Variants in PLCB4 observed in about 807,000 individuals in gnomAD.
The protein encoded by PLCB4 is 1-phosphatidylinositol 4,5-bisphosphate phosphodiesterase beta-4.
A neutral mutation model predicts 178.8 loss-of-function variants in PLCB4; 77 were observed. The ratio of observed to expected loss-of-function variants is 0.43; its 90% CI spans 0.36 to 0.52. The LOEUF (loss-of-function observed/expected upper bound fraction) is 0.52. Among genes scored for constraint, PLCB4 ranks in the 20% least tolerant of loss-of-function variants. The pLI, the probability that PLCB4 is intolerant of heterozygous loss-of-function variation, is 0.00. For missense variants in PLCB4, 1,024 were observed against 1,453.4 expected (o/e 0.70, Z 4.80); for synonymous variants, 496 against 490.8 (o/e 1.01, Z -0.14).
At chr20:9,328,001 C>T (rs2030994045) in intron 4 of PLCB4, among the ~76,000 whole-genome samples, 1 of 152,108 alleles carries the variant, frequency 6.6e-6, no homozygotes, top group Middle Eastern at 3.2e-3. Context: ...GTTTCTGCTG[C>T]TGGTGAGTTG....
chr20:9,236,270 G>C (rs2093991646), intron 3 of PLCB4, among the ~76,000 whole-genome samples: 1 of 152,156 alleles, frequency 6.6e-6, no homozygotes, highest in South Asian at 2.1e-4. Flanking sequence ...TCCAAGGCCT[G>C]AAATCCTTGC....
intron 2 of PLCB4, among the ~76,000 whole-genome samples, chr20:9,211,647 G>A (rs1011075008): frequency 5.3e-5 from 8 of 150,220 alleles, no homozygotes; most frequent in Non-Finnish European, 1.2e-4. Flanking sequence ...TGCTTAAAAA[G>A]AAAATACAAC....
intron 17 of PLCB4, among the ~76,000 whole-genome samples, chr20:9,392,372 T>C (rs1346809863): frequency 6.6e-6 from 1 of 152,174 alleles, no homozygotes; most frequent in Non-Finnish European, 1.5e-5. Context: ...GAGGTTTCCA[T>C]TGGTTACTTG....
At chr20:9,223,402 C>A (rs1392467935) in intron 3 of PLCB4, among the ~76,000 whole-genome samples, 1 of 152,196 alleles carries the variant, frequency 6.6e-6, no homozygotes, top group African/African-American at 2.4e-5. Flanking sequence ...CTGCAAACAA[C>A]AGCAGTCACC....
intron 3 of PLCB4, among the ~76,000 whole-genome samples, chr20:9,270,415 A>G (rs570419723): frequency 7.9e-5 from 12 of 152,248 alleles, no homozygotes; most frequent in African/African-American, 2.9e-4. Flanking sequence ...CCAGAATGTC[A>G]TGGAAAGGTA....
At chr20:9,368,044 T>C (rs2035928668) in intron 9 of PLCB4, among the ~76,000 whole-genome samples, 1 of 152,174 alleles carries the variant, frequency 6.6e-6, no homozygotes. Flanking sequence ...TTGGAAATTG[T>C]TGTGTATGTT....
intron 3 of PLCB4, among the ~76,000 whole-genome samples, chr20:9,253,114 T>A (rs2094198153): frequency 6.6e-6 from 1 of 152,208 alleles, no homozygotes; most frequent in Admixed American, 6.5e-5. Flanking sequence ...TAGCCTAGAC[T>A]AATCCTGATC....
rs567421309 is a variant in PLCB4, at chr20:9,344,716, T to G, written c.369+5679T>G. Among the ~76,000 whole-genome samples, 11 of 152,298 alleles carry G rather than the reference T, an allele frequency of 7.2e-5. No individual in the cohort carries two copies. The East Asian group carries it at 2.1e-3, about 29-fold the overall frequency. On this transcript the variant is annotated intron_variant, in intron 7 of 39. Coordinates refer to ENST00000378473, the MANE Select transcript of PLCB4 (RefSeq NM_001377142.1). ...AACTCTGGGATCCCGTGTGTTATTT[T>G]TAGAGCCACATTTCAGGATGTAATA...
intron 7 of PLCB4, among the ~76,000 whole-genome samples, chr20:9,345,796 T>C (rs2033737772): frequency 6.6e-6 from 1 of 152,196 alleles, no homozygotes; most frequent in South Asian, 2.1e-4. Context: ...ATATTATGTA[T>C]TCTTTTGTGT....
intron 2 of PLCB4, among the ~76,000 whole-genome samples, chr20:9,147,603 C>T (rs2092621361): frequency 6.6e-6 from 1 of 152,024 alleles, no homozygotes; most frequent in Non-Finnish European, 1.5e-5. Flanking sequence ...GGTGGCATAG[C>T]TAACATCTAT....
intron 3 of PLCB4, among the ~76,000 whole-genome samples, chr20:9,241,742 A>T (rs995195096): frequency 6.6e-6 from 1 of 152,198 alleles, no homozygotes; most frequent in Non-Finnish European, 1.5e-5. Context: ...CAGAGAATGG[A>T]GCTGAAGCAT....
chr20:9,411,721 TAAA>T (rs11468073), intron 25 of PLCB4, among the ~76,000 whole-genome samples: 6,828 of 143,416 alleles, frequency 0.048, 534 homozygotes, highest in African/African-American at 0.16. Flanking sequence ...TCTCTTGAGA[TAAA>T]AAAAAAAAAA....
intron 2 of PLCB4, among the ~76,000 whole-genome samples, chr20:9,125,937 A>C (rs1309742784): frequency 6.6e-6 from 1 of 152,138 alleles, no homozygotes; most frequent in Non-Finnish European, 1.5e-5. Flanking sequence ...GCATTAACCT[A>C]AGGTCACTAT....
Position 9,384,309 on chromosome 20 carries a change from A to G in PLCB4, c.962A>G (p.His321Arg). Residue 321 changes from histidine (H) to arginine (R), a missense_variant, in exon 14 of 40, where the codon CAC (histidine) becomes CGC (arginine). By Grantham distance (29) the His-to-Arg change is conservative. Transcript: ENST00000378473. Reference sequence around the variant, plus strand: ...CAAGAAATGGACCATCCTCTGGCTCACTACTTCATCAGTTCTTCCCATAAC... The same window carrying G: ...CAAGAAATGGACCATCCTCTGGCTCGCTACTTCATCAGTTCTTCCCATAAC... Reference protein sequence around the residue: ...LYQEMDHPLAHYFISSSHNTY... With the variant: ...LYQEMDHPLARYFISSSHNTY... 1 of 1,614,042 alleles carries G rather than the reference A, an allele frequency of 6.2e-7. No homozygotes were observed. Among genetic ancestry groups the G allele is most frequent in the Non-Finnish European group, 8.5e-7 (1 of 1,179,888 alleles).
chr20:9,208,075 T>C (rs574349811), intron 2 of PLCB4, among the ~76,000 whole-genome samples: 1 of 152,356 alleles, frequency 6.6e-6, no homozygotes, highest in African/African-American at 2.4e-5. Context: ...GCATGTGTGC[T>C]TGGCCACCAT....
At chr20:9,364,978 A>C (rs561405076) in intron 8 of PLCB4, among the ~76,000 whole-genome samples, 48 of 132,114 alleles carry the variant, frequency 3.6e-4, no homozygotes, top group Admixed American at 8.1e-4. Context: ...ATGAATTCTC[A>C]AGACAAGGCT....
intron 2 of PLCB4, among the ~76,000 whole-genome samples, chr20:9,180,388 G>A (rs957467640): frequency 1.3e-5 from 2 of 152,146 alleles, no homozygotes; most frequent in African/African-American, 4.8e-5. Context: ...CTTGATGGGG[G>A]ATTTTTCCAT....
At chr20:9,387,946 A>G (rs2037815003) in intron 15 of PLCB4, among the ~76,000 whole-genome samples, 1 of 152,244 alleles carries the variant, frequency 6.6e-6, no homozygotes, top group Admixed American at 6.5e-5. Flanking sequence ...AGGGCCTACA[A>G]GAATAAGAAA....
chr20:9,311,780 T>C (rs2094837246), intron 4 of PLCB4, among the ~76,000 whole-genome samples: 1 of 152,018 alleles, frequency 6.6e-6, no homozygotes, highest in Non-Finnish European at 1.5e-5. Flanking sequence ...ACACACAAAA[T>C]CTAAAAAGAG....
Sources: allele counts gnomAD v4.1 joint callset (sites outside exome capture counted in the v4.1 genomes callset), GRCh38; gene constraint gnomAD v4.1.1; transcripts MANE v1.5; gene names NCBI Gene and HGNC (gene_info 2026-07-23, HGNC 2026-07-21).